RXRA: variants seen among roughly 807,000 people sequenced by gnomAD.
The protein encoded by RXRA is retinoid X receptor alpha.
In RXRA, 5 loss-of-function variants were observed where a neutral mutation model predicts 44.5. The observed-to-expected ratio is 0.11, with a 90% CI of 0.06 to 0.24. RXRA has a LOEUF of 0.24. RXRA is among the 10% of genes least tolerant of loss of function. The probability of loss-of-function intolerance (pLI) is 1.00; values close to 1 mark genes in which losing one functional copy is unlikely to be tolerated. For synonymous variants in RXRA, 291 were observed against 271.4 expected (o/e 1.07, Z -0.71); for missense variants, 412 against 646.5 (o/e 0.64, Z 3.93).
intron 2 of RXRA, among the ~76,000 whole-genome samples, chr9:134,406,751 C>T (rs1831057115): frequency 6.6e-6 from 1 of 152,240 alleles, no homozygotes; most frequent in Non-Finnish European, 1.5e-5. Flanking sequence ...CCTTGGCCAG[C>T]CCCTGACCTC....
intron 1 of RXRA, among the ~76,000 whole-genome samples, chr9:134,369,886 G>A (rs912611174): frequency 6.6e-6 from 1 of 152,194 alleles, no homozygotes; most frequent in Non-Finnish European, 1.5e-5. Flanking sequence ...ACAGTCCCGT[G>A]TGTGCGGGTG....
At chr9:134,344,970 C>T (rs1554748567) in intron 1 of RXRA, among the ~76,000 whole-genome samples, 3 of 152,138 alleles carry the variant, frequency 2.0e-5, no homozygotes, top group African/African-American at 4.8e-5. Flanking sequence ...GCAGTGACAA[C>T]CATTCAGAGT....
chr9:134,423,726 G>A lies in RXRA; in HGVS notation c.910+1921G>A, dbSNP rs1392926400. 4.1e-6 allele frequency: 4 copies of A among 985,328 alleles called. No homozygotes were observed. The African/African-American group carries it at 5.2e-5, about 13-fold the overall frequency. The allele number at this position is 985,328 out of a possible 1,614,324, so 61.0% of individuals were successfully genotyped here. ...TCTTTCAGGGTATGGTGAGTATTCC[G>A]CCTGCCAAGGGAACCCTGCCCTTGT... is the stretch of plus-strand genomic sequence containing the variant. On this transcript the variant is annotated intron_variant, in intron 6 of 9. Transcript: ENST00000481739.
rs767455588 is a variant in RXRA, at chr9:134,434,224, C to T, written c.1241+17C>T. 2 of 1,564,842 alleles carry T rather than the reference C, an allele frequency of 1.3e-6. No homozygotes were observed. Among genetic ancestry groups the T allele is most frequent in the East Asian group, 4.5e-5 (2 of 44,608 alleles). On this transcript the variant is annotated intron_variant, in intron 9 of 9. Coordinates refer to ENST00000481739, the MANE Select transcript of RXRA (RefSeq NM_002957.6). Reference sequence around the variant, plus strand: ...GCCGGGAAGGTGGGTCCCGCCCCGTCCCACACACACCCCAGACCCAGGCTC... The same window carrying T: ...GCCGGGAAGGTGGGTCCCGCCCCGTTCCACACACACCCCAGACCCAGGCTC...
chr9:134,389,788 G>C (rs1183629291), intron 1 of RXRA, among the ~76,000 whole-genome samples: 1 of 152,182 alleles, frequency 6.6e-6, no homozygotes, highest in Admixed American at 6.5e-5. Flanking sequence ...AGACTCCATA[G>C]CTGCAGCTGG....
At chr9:134,422,346 C>A (rs1354051944) in intron 6 of RXRA, 1 of 1,279,812 alleles carries the variant, frequency 7.8e-7, no homozygotes, top group African/African-American at 1.5e-5. Flanking sequence ...ACTACCCCCT[C>A]CCGGGACACA....
chr9:134,349,348 G>T lies in RXRA; in HGVS notation c.28+22689G>T, dbSNP rs904785290. Among the ~76,000 whole-genome samples the T allele has an allele frequency of 2.0e-5, 3 of 152,188 alleles. No homozygotes were observed. ...TGTTGGGCCGGGGCGCCTCGGCCTGGTGGAGGGCTTCGCCGAGCTTGGTGG... is the reference window on the plus strand; with the variant it reads ...TGTTGGGCCGGGGCGCCTCGGCCTGTTGGAGGGCTTCGCCGAGCTTGGTGG... On this transcript the variant is annotated intron_variant, in intron 1 of 9. Transcript: ENST00000481739. The surrounding 1 kb of genome is among the most constrained non-coding windows in gnomAD (Gnocchi z 4.3).
In RXRA at chr9:134,417,060, A is replaced by T; in HGVS notation, c.611-98A>T. ...GGTGGGGATGCTGGTGTTGTGGGTG[A>T]GTTGGCTGGGAGCTGGCACCACCCG... On this transcript the variant is annotated intron_variant, in intron 4 of 9. Coordinates refer to ENST00000481739, the MANE Select transcript of RXRA (RefSeq NM_002957.6). The surrounding 1 kb of genome is among the most constrained non-coding windows in gnomAD (Gnocchi z 6.1). 1 of 1,299,202 alleles carries T rather than the reference A, an allele frequency of 7.7e-7. No individual in the cohort carries two copies. The highest frequency in any genetic ancestry group is 1.1e-6 in the Non-Finnish European group (1 of 949,572). The allele number at this position is 1,299,202 out of a possible 1,614,324, so 80.5% of individuals were successfully genotyped here.
At chr9:134,420,462 CT>C (rs919373025) in intron 5 of RXRA, among the ~76,000 whole-genome samples, 40 of 152,240 alleles carry the variant, frequency 2.6e-4, no homozygotes, top group African/African-American at 7.7e-4. Flanking sequence ...GTGTATACCC[CT>C]TCTGGCTCGG....
Position 134,366,640 on chromosome 9 carries a change from G to T in RXRA, c.29-34992G>T, listed in dbSNP as rs901938415. On this transcript the variant is annotated intron_variant, in intron 1 of 9. Transcript: ENST00000481739. This position sits in a 1 kb window ranked among gnomAD's most constrained non-coding sequence, Gnocchi z 5.9. ...TCCACTAGTGGGCTTTGGCCTCCTC[G>T]TGAGGAGCTGGGTGGGGCTGGAGAA... is the stretch of plus-strand genomic sequence containing the variant. 6.6e-6 allele frequency among the ~76,000 whole-genome samples: 1 copy of T among 152,150 alleles called. No individual in the cohort carries two copies. The highest frequency in any genetic ancestry group is 1.5e-5 in the Non-Finnish European group (1 of 68,024).
At chr9:134,423,208 C>T (rs1828403683) in intron 6 of RXRA, 1 of 985,318 alleles carries the variant, frequency 1.0e-6, no homozygotes, top group Non-Finnish European at 1.2e-6. Context: ...GTGGAGTTTC[C>T]TGCTGGTGAA....
rs535802622 is a variant in RXRA, at chr9:134,339,659, CTGTG to C, written c.28+13009_28+13012del. On this transcript the variant is annotated intron_variant, in intron 1 of 9. Coordinates refer to ENST00000481739, the MANE Select transcript of RXRA (RefSeq NM_002957.6). ...CCTGTGCGTGTGTCTGTGTGTGTGC[CTGTG>C]TGTGTGTGAGCCTGTGTGTGTGTGT... Among the ~76,000 whole-genome samples, 408 of 117,834 alleles carry C rather than the reference CTGTG, an allele frequency of 3.5e-3. 3 individuals are homozygous for C. The highest frequency in any genetic ancestry group is 0.013 in the African/African-American group (391 of 30,626). 77.3% of individuals were successfully genotyped at this position (117,834 alleles called of 152,430 possible).
chr9:134,364,859 C>T (rs1041796357), intron 1 of RXRA, among the ~76,000 whole-genome samples: 9 of 152,330 alleles, frequency 5.9e-5, no homozygotes, highest in South Asian at 2.1e-4. Context: ...GAGCCAGGAG[C>T]GTGGACTTTG....
At chr9:134,425,399 G>A (rs905767488) in intron 6 of RXRA, 6 of 985,120 alleles carry the variant, frequency 6.1e-6, no homozygotes, top group Non-Finnish European at 7.2e-6. Flanking sequence ...GGGCCGGGTC[G>A]CTCACAGCTT....
At chr9:134,364,508 C>T (rs1168404556) in intron 1 of RXRA, among the ~76,000 whole-genome samples, 2 of 152,248 alleles carry the variant, frequency 1.3e-5, no homozygotes, top group Non-Finnish European at 2.9e-5. Flanking sequence ...CAGCAGCCAC[C>T]AGAGGGCAGC....
At chr9:134,429,039 A>G (rs1003512111) in intron 6 of RXRA, 69 bp from the exon 7 acceptor site, 2 of 1,587,938 alleles carry the variant, frequency 1.3e-6, no homozygotes, top group South Asian at 2.3e-5. Flanking sequence ...GGGTCCCACC[A>G]GGGGCTGGGG....
chr9:134,381,223 G>A (rs928588986), intron 1 of RXRA, among the ~76,000 whole-genome samples: 1 of 152,210 alleles, frequency 6.6e-6, no homozygotes, highest in Non-Finnish European at 1.5e-5. Flanking sequence ...CTTTGAAGAG[G>A]CAGGCGTATG....
intron 1 of RXRA, among the ~76,000 whole-genome samples, chr9:134,375,970 C>CCCCCA (rs1212077349): frequency 7.1e-6 from 1 of 140,312 alleles, no homozygotes; most frequent in Non-Finnish European, 1.6e-5. Context: ...CTCTGCTTCC[C>CCCCCA]CCCCACCCCA....
Position 134,375,940 on chromosome 9 carries a change from C to G in RXRA, c.29-25692C>G, listed in dbSNP as rs1030347112. 6.4e-4 allele frequency among the ~76,000 whole-genome samples: 90 copies of G among 141,122 alleles called. 1 individual carries two copies. The highest frequency in any genetic ancestry group is 6.2e-3 in the Admixed American group (90 of 14,408). The allele number at this position is 141,122 out of a possible 152,430, so 92.6% of individuals were successfully genotyped here. The stretch of plus-strand genomic sequence containing the variant: ...GAAAACAAGCTGCCGGCCGCCCTCC[C>G]TCCCTCCCTCCCTCTCTCTCTCTGC... On this transcript the variant is annotated intron_variant, in intron 1 of 9. Coordinates refer to ENST00000481739, the MANE Select transcript of RXRA (RefSeq NM_002957.6).
Sources: allele counts gnomAD v4.1 joint callset (sites outside exome capture counted in the v4.1 genomes callset), GRCh38; gene constraint gnomAD v4.1.1; non-coding constraint Gnocchi (gnomAD v3.1); transcripts MANE v1.5; gene names NCBI Gene and HGNC (gene_info 2026-07-23, HGNC 2026-07-21).